TRPC6: variants seen among roughly 807,000 people sequenced by gnomAD.
The protein encoded by TRPC6 is transient receptor potential cation channel subfamily C member 6.
TRPC6 carries 55 observed loss-of-function variants against 90.7 expected under a neutral mutation model. That is an observed-to-expected ratio of 0.61 (90% CI 0.49 to 0.76). The LOEUF (loss-of-function observed/expected upper bound fraction) is 0.76. TRPC6 is among the 30% of genes least tolerant of loss of function. The pLI is 0.00. For synonymous variants in TRPC6, 393 were observed against 393.0 expected (o/e 1.00, Z 0.00); for missense variants, 989 against 1,122.7 (o/e 0.88, Z 1.70).
chr11:101,558,232 TATGG>T lies in TRPC6; in HGVS notation c.170+25098_170+25101del, dbSNP rs1157950978. 9.6e-4 allele frequency among the ~76,000 whole-genome samples: 107 copies of T among 111,886 alleles called. 3 individuals are homozygous for T. The highest frequency in any genetic ancestry group is 1.2e-3 in the African/African-American group (36 of 29,180). The allele number at this position is 111,886 out of a possible 152,430, so 73.4% of individuals were successfully genotyped here. A position where few individuals can be genotyped will look rare whatever the true frequency, so the allele number is the denominator to read the frequency against. On this transcript the variant is annotated intron_variant, in intron 1 of 12. Coordinates refer to ENST00000344327, the MANE Select transcript of TRPC6 (RefSeq NM_004621.6). ...ATACATGTATATATGTATACATGTA[TATGG>T]GTATACATGTATATATGTATACATG...
At chr11:101,575,154 T>A (rs1474343250) in intron 1 of TRPC6, among the ~76,000 whole-genome samples, 1 of 152,220 alleles carries the variant, frequency 6.6e-6, no homozygotes. Flanking sequence ...TGTGAGTCAA[T>A]GTCTCTAAAA....
intron 2 of TRPC6, among the ~76,000 whole-genome samples, chr11:101,501,663 T>C (rs1860129231): frequency 6.6e-6 from 1 of 152,074 alleles, no homozygotes; most frequent in Non-Finnish European, 1.5e-5. Context: ...TCCAAACTAA[T>C]CTCAGAGAAA....
chr11:101,474,746 T>C lies in TRPC6; in HGVS notation c.1745-973A>G, dbSNP rs192906161. 3.3e-5 allele frequency among the ~76,000 whole-genome samples: 5 copies of C among 152,256 alleles called. No homozygotes were observed. The East Asian group carries it at 7.7e-4, about 24-fold the overall frequency. ...TTCTTATCAGAGGGTTTGAAATGAG[T>C]ATTCAAAGGGAATATATTTTCCCCA... is the stretch of plus-strand genomic sequence containing the variant. On this transcript the variant is annotated intron_variant, in intron 6 of 12. Transcript: ENST00000344327.
chr11:101,485,028 T>C (rs1859642854), intron 4 of TRPC6, among the ~76,000 whole-genome samples: 1 of 151,952 alleles, frequency 6.6e-6, no homozygotes, highest in African/African-American at 2.4e-5. Context: ...AAGAAGTCTG[T>C]ACCTGTTCAA....
intron 1 of TRPC6, among the ~76,000 whole-genome samples, chr11:101,550,971 T>C (rs1861436867): frequency 6.6e-6 from 1 of 151,784 alleles, no homozygotes; most frequent in South Asian, 2.1e-4. Flanking sequence ...TAATGAAATA[T>C]TTAATTTTGG....
rs775359977 is a variant in TRPC6, at chr11:101,583,444, T to TCCGGCAGCGCCC, written c.48_59dup (p.Gly17_Gly20dup). 1 of 1,542,958 alleles carries TCCGGCAGCGCCC rather than the reference T, an allele frequency of 6.5e-7. No individual in the cohort carries two copies. Among genetic ancestry groups the TCCGGCAGCGCCC allele is most frequent in the South Asian group, 1.2e-5 (1 of 83,660 alleles). On this transcript the variant is annotated inframe_insertion, in exon 1 of 13. Transcript: ENST00000344327. ...GGCTCTCGTTGCGCCGCGCAGCGGCTCCGGCAGCGCCCCGGGGAGAACTGC... is the reference window on the plus strand; with the variant it reads ...GGCTCTCGTTGCGCCGCGCAGCGGCTCCGGCAGCGCCCCCGGCAGCGCCCCGGGGAGAACTGC...
intron 3 of TRPC6, chr11:101,491,241 T>C (rs929605448): frequency 2.2e-5 from 7 of 313,870 alleles, no homozygotes; most frequent in African/African-American, 8.7e-5. Context: ...GGTCAGGAGA[T>C]AGAGACCACG....
At chr11:101,462,722 G>A (rs1859034699) in intron 10 of TRPC6, among the ~76,000 whole-genome samples, 1 of 151,910 alleles carries the variant, frequency 6.6e-6, no homozygotes, top group Non-Finnish European at 1.5e-5. Context: ...AGATGATGAG[G>A]CTTTCTAAAT....
intron 8 of TRPC6, among the ~76,000 whole-genome samples, 192 bp from the exon 9 acceptor site, chr11:101,471,578 C>T (rs550314535): frequency 1.6e-4 from 25 of 152,294 alleles, no homozygotes; most frequent in African/African-American, 3.1e-4. Context: ...AAAATTTTGA[C>T]AGTCTTGCAA....
At chr11:101,476,733 T>C (rs1390559212) in intron 5 of TRPC6, among the ~76,000 whole-genome samples, 199 bp from the exon 6 acceptor site, 1 of 152,154 alleles carries the variant, frequency 6.6e-6, no homozygotes, top group African/African-American at 2.4e-5. Flanking sequence ...TGAAAGCAAT[T>C]TGACAAAGTT....
chr11:101,466,663 G>A (rs911090321), intron 10 of TRPC6, among the ~76,000 whole-genome samples: 10 of 152,204 alleles, frequency 6.6e-5, no homozygotes, highest in African/African-American at 2.2e-4. Context: ...GGGACCCACC[G>A]AGCCAGACCA....
At position 101,520,969 on chromosome 11, in the gene TRPC6, T is replaced by C. The variant is rs149897146; in HGVS notation, c.171-16171A>G. On this transcript the variant is annotated intron_variant, in intron 1 of 12. Coordinates refer to ENST00000344327, the MANE Select transcript of TRPC6 (RefSeq NM_004621.6). ...AGGAATGATCTGAAACTGGAACTTA[T>C]ATTTAAAAGGGAGGCAGAGCATAAA... is the stretch of plus-strand genomic sequence containing the variant. Among the ~76,000 whole-genome samples, 11 of 152,260 alleles carry C rather than the reference T, an allele frequency of 7.2e-5. No homozygotes were observed. The East Asian group carries it at 1.9e-3, about 27-fold the overall frequency.
At chr11:101,489,695 T>TAC (rs1474248832) in intron 3 of TRPC6, among the ~76,000 whole-genome samples, 1 of 151,864 alleles carries the variant, frequency 6.6e-6, no homozygotes, top group East Asian at 1.9e-4. Flanking sequence ...AACTGAACCA[T>TAC]ACATATGGCA....
Position 101,565,774 on chromosome 11 carries a change from TA to T in TRPC6, c.170+17559del, listed in dbSNP as rs950581826. ...TTGACAATACCTGATCATTGTACCCTAAATAGCATAATTTTTTAATCTCATA... is the reference window on the plus strand; with the variant it reads ...TTGACAATACCTGATCATTGTACCCTAATAGCATAATTTTTTAATCTCATA... On this transcript the variant is annotated intron_variant, in intron 1 of 12. Coordinates refer to ENST00000344327, the MANE Select transcript of TRPC6 (RefSeq NM_004621.6). Among the ~76,000 whole-genome samples, 5 of 152,246 alleles carry T rather than the reference TA, an allele frequency of 3.3e-5. No homozygotes were observed. In the East Asian group the frequency reaches 9.6e-4, roughly 29 times the overall value.
intron 1 of TRPC6, among the ~76,000 whole-genome samples, chr11:101,520,879 A>C (rs1860643580): frequency 6.6e-6 from 1 of 152,194 alleles, no homozygotes. Flanking sequence ...GAAATTTCTA[A>C]GCAGCAAAGC....
At chr11:101,509,107 G>GTT (rs1421474455) in intron 1 of TRPC6, among the ~76,000 whole-genome samples, 2 of 150,636 alleles carry the variant, frequency 1.3e-5, no homozygotes, top group Non-Finnish European at 2.9e-5. Context: ...GACTGAGATG[G>GTT]TAATTGATGT....
intron 1 of TRPC6, among the ~76,000 whole-genome samples, chr11:101,564,824 G>C (rs7123327): frequency 0.62 from 93,800 of 151,884 alleles, 29,174 homozygotes; most frequent in Non-Finnish European, 0.66. Context: ...AATTATATTT[G>C]AAAGTTATAG....
intron 10 of TRPC6, among the ~76,000 whole-genome samples, chr11:101,458,200 A>G (rs1202773018): frequency 6.6e-6 from 1 of 152,130 alleles, no homozygotes; most frequent in East Asian, 1.9e-4. Flanking sequence ...CACCATCATA[A>G]AGGTGAAAAA....
rs559419602 is a variant in TRPC6, at chr11:101,556,293, G to GA, written c.170+27040dup. ...AAATGAAGAGTATGTTTTTTGAAAA[G>GA]AAAAAATCAACAAACCTTTAGTTGG... On this transcript the variant is annotated intron_variant, in intron 1 of 12. Transcript: ENST00000344327. Among the ~76,000 whole-genome samples the GA allele has an allele frequency of 3.0e-3, 449 of 150,644 alleles. 1 individual carries two copies. Among genetic ancestry groups the GA allele is most frequent in the Non-Finnish European group, 4.8e-3 (326 of 67,560 alleles).
Sources: gnomAD v4.1 joint callset for allele counts (sites outside exome capture counted in the v4.1 genomes callset) on GRCh38, gnomAD v4.1.1 for gene constraint, MANE v1.5 for transcripts, NCBI Gene and HGNC (gene_info 2026-07-23, HGNC 2026-07-21) for gene names.